Variants in UNC5C observed in about 807,000 individuals in gnomAD.
UNC5C encodes netrin receptor UNC5C.
A neutral mutation model predicts 99.8 loss-of-function variants in UNC5C; 47 were observed. The ratio of observed to expected loss-of-function variants is 0.47; its 90% CI spans 0.37 to 0.60. The LOEUF is 0.60. UNC5C is among the 20% of genes least tolerant of loss of function. The pLI is 0.00. For synonymous variants in UNC5C, 487 were observed against 452.2 expected (o/e 1.08, Z -0.98); for missense variants, 1,062 against 1,165.9 (o/e 0.91, Z 1.30).
intron 1 of UNC5C, among the ~76,000 whole-genome samples, chr4:95,446,358 A>G (rs1429605188): frequency 6.6e-6 from 1 of 152,128 alleles, no homozygotes; most frequent in Non-Finnish European, 1.5e-5. Flanking sequence ...ATGGTGATAG[A>G]CTCTGAGGGA....
chr4:95,420,666 T>C (rs1167255165), intron 1 of UNC5C, among the ~76,000 whole-genome samples: 2 of 152,026 alleles, frequency 1.3e-5, no homozygotes, highest in African/African-American at 2.4e-5. Context: ...GAAAAACTGG[T>C]TTCAATAAAA....
At chr4:95,367,376 G>A (rs891503217) in intron 1 of UNC5C, among the ~76,000 whole-genome samples, 24 of 151,334 alleles carry the variant, frequency 1.6e-4, no homozygotes, top group East Asian at 5.8e-4. Flanking sequence ...ACTGGGTTTC[G>A]CCATGTTGCC....
intron 1 of UNC5C, among the ~76,000 whole-genome samples, chr4:95,400,384 CTTTTTT>C (rs1171870515): frequency 3.2e-4 from 21 of 65,790 alleles, no homozygotes; most frequent in East Asian, 1.1e-3. Flanking sequence ...GAGATGAATT[CTTTTTT>C]TTTTTTTTTT....
chr4:95,470,847 A>G (rs1747945136), intron 1 of UNC5C, among the ~76,000 whole-genome samples: 1 of 152,164 alleles, frequency 6.6e-6, no homozygotes, highest in South Asian at 2.1e-4. Context: ...ATTACTAATT[A>G]TTCATTTTAA....
chr4:95,247,059 A>G (rs1276809872), intron 5 of UNC5C, among the ~76,000 whole-genome samples: 1 of 152,050 alleles, frequency 6.6e-6, no homozygotes, highest in Non-Finnish European at 1.5e-5. Context: ...ATAAAAAAAA[A>G]AGAAAGAAAA....
intron 1 of UNC5C, among the ~76,000 whole-genome samples, chr4:95,443,556 G>T (rs1466565256): frequency 6.6e-6 from 1 of 152,124 alleles, no homozygotes; most frequent in African/African-American, 2.4e-5. Flanking sequence ...AGGAATCTAG[G>T]ACCTTTGAGA....
At chr4:95,220,450 A>G (rs1011513857) in intron 7 of UNC5C, among the ~76,000 whole-genome samples, 3 of 152,198 alleles carry the variant, frequency 2.0e-5, no homozygotes, top group African/African-American at 7.2e-5. Context: ...AAGAAACTGG[A>G]ACTAAAACCA....
chr4:95,284,642 G>T (rs949638028), intron 3 of UNC5C, among the ~76,000 whole-genome samples: 1 of 152,132 alleles, frequency 6.6e-6, no homozygotes, highest in East Asian at 1.9e-4. Context: ...CAAATTCTTT[G>T]TATAAATCCT....
At chr4:95,315,748 T>C (rs1444889045) in intron 2 of UNC5C, among the ~76,000 whole-genome samples, 2 of 152,226 alleles carry the variant, frequency 1.3e-5, no homozygotes, top group Non-Finnish European at 2.9e-5. Flanking sequence ...GACATTTGCA[T>C]GATTAGCTAT....
chr4:95,520,758 C>T (rs1309395192), intron 1 of UNC5C, among the ~76,000 whole-genome samples: 1 of 151,936 alleles, frequency 6.6e-6, no homozygotes, highest in African/African-American at 2.4e-5. Flanking sequence ...GCCACCACGC[C>T]CAGCTAATTT....
chr4:95,330,338 A>G (rs79257068), intron 2 of UNC5C, among the ~76,000 whole-genome samples: 3,638 of 152,200 alleles, frequency 0.024, 142 homozygotes, highest in African/African-American at 0.082. Flanking sequence ...ATTTATAAGC[A>G]TTAGACATTT....
chr4:95,475,356 GT>G (rs1748110471), intron 1 of UNC5C, among the ~76,000 whole-genome samples: 2 of 151,880 alleles, frequency 1.3e-5, no homozygotes, highest in Admixed American at 1.3e-4. Flanking sequence ...GGAAATTGAA[GT>G]TGCTTCAATT....
At chr4:95,502,348 C>T (rs542617563) in intron 1 of UNC5C, among the ~76,000 whole-genome samples, 4 of 152,136 alleles carry the variant, frequency 2.6e-5, no homozygotes, top group South Asian at 2.1e-4. Flanking sequence ...AGCTCTCTGC[C>T]GCCTTGAACT....
At chr4:95,402,753 C>A (rs1193530236) in intron 1 of UNC5C, among the ~76,000 whole-genome samples, 2 of 152,204 alleles carry the variant, frequency 1.3e-5, no homozygotes, top group Admixed American at 6.5e-5. Context: ...TGCCATTTCT[C>A]TAGATTATTA....
intron 1 of UNC5C, among the ~76,000 whole-genome samples, chr4:95,512,197 C>G (rs1253555332): frequency 6.6e-6 from 1 of 152,024 alleles, no homozygotes; most frequent in Non-Finnish European, 1.5e-5. Context: ...CAAGCTGGAA[C>G]TTGATGAGGG....
chr4:95,335,326 T>C, intron 2 of UNC5C, 84 bp downstream of exon 2: 1 of 1,244,638 alleles, frequency 8.0e-7, no homozygotes, highest in Non-Finnish European at 1.1e-6. Context: ...TCCATTCCAC[T>C]AATTGAAATA....
At chr4:95,540,262 A>G (rs938854983) in intron 1 of UNC5C, among the ~76,000 whole-genome samples, 1 of 152,208 alleles carries the variant, frequency 6.6e-6, no homozygotes, top group African/African-American at 2.4e-5. Flanking sequence ...CTATTTAGGT[A>G]AAAGTTTCAA....
intron 2 of UNC5C, among the ~76,000 whole-genome samples, chr4:95,333,655 G>A (rs1743212697): frequency 6.6e-6 from 1 of 151,958 alleles, no homozygotes; most frequent in Admixed American, 6.6e-5. Context: ...ACACCAACAT[G>A]GCACATGTAT....
intron 3 of UNC5C, among the ~76,000 whole-genome samples, chr4:95,297,625 A>C (rs542621349): frequency 6.6e-5 from 10 of 152,282 alleles, no homozygotes; most frequent in African/African-American, 2.4e-4. Context: ...GAAAGTATTG[A>C]GAAAGGAATG....
Sources: allele counts gnomAD v4.1 joint callset (sites outside exome capture counted in the v4.1 genomes callset), GRCh38; gene constraint gnomAD v4.1.1; transcripts MANE v1.5; gene names NCBI Gene and HGNC (gene_info 2026-07-23, HGNC 2026-07-21).